ARHGAP26: variants seen among roughly 807,000 people sequenced by gnomAD.
ARHGAP26 encodes the protein rho GTPase-activating protein 26.
A neutral mutation model predicts 104.8 loss-of-function variants in ARHGAP26; 38 were observed. That is an observed-to-expected ratio of 0.36 (90% confidence interval 0.28 to 0.48). The LOEUF (loss-of-function observed/expected upper bound fraction) is 0.48. Ranked by LOEUF, ARHGAP26 falls within the 20% of genes least tolerant of loss-of-function variation. The pLI is 0.99. For synonymous variants in ARHGAP26, 341 were observed against 340.0 expected, an observed-to-expected ratio of 1.00 and a Z score of -0.03; for missense variants, 704 against 947.9, an observed-to-expected ratio of 0.74 and a Z score of 3.38.
At chr5:142,988,176 T>C (rs1284473873) in intron 11 of ARHGAP26, among the ~76,000 whole-genome samples, 1 of 152,328 alleles carries the variant, frequency 6.6e-6, no homozygotes, top group South Asian at 2.1e-4. Context: ...GAGCCTGTTA[T>C]TGGTCTATTC....
chr5:142,836,253 T>TA (rs1769540799), intron 1 of ARHGAP26, among the ~76,000 whole-genome samples: 1 of 152,338 alleles, frequency 6.6e-6, no homozygotes, highest in Admixed American at 6.5e-5. Flanking sequence ...GCTTTTCACT[T>TA]AATCTGTGGT....
intron 1 of ARHGAP26, among the ~76,000 whole-genome samples, chr5:142,834,575 G>T (rs1261592976): frequency 1.3e-5 from 2 of 152,146 alleles, no homozygotes; most frequent in Non-Finnish European, 1.5e-5. Flanking sequence ...CCTCTTCTGG[G>T]CTCACTTGTG....
chr5:143,198,084 C>T (rs918071028), intron 20 of ARHGAP26, among the ~76,000 whole-genome samples: 4 of 152,248 alleles, frequency 2.6e-5, no homozygotes, highest in Middle Eastern at 3.4e-3. Context: ...AGATTATACC[C>T]CAGAACAACG....
intron 1 of ARHGAP26, among the ~76,000 whole-genome samples, chr5:142,862,869 G>A (rs1209904253): frequency 6.6e-6 from 1 of 152,192 alleles, no homozygotes; most frequent in African/African-American, 2.4e-5. Flanking sequence ...TCATTGTGAA[G>A]ACATCATTTC....
At chr5:142,890,963 C>T (rs1370906165) in intron 5 of ARHGAP26, among the ~76,000 whole-genome samples, 1 of 149,902 alleles carries the variant, frequency 6.7e-6, no homozygotes, top group Non-Finnish European at 1.5e-5. Flanking sequence ...CTGGATCCTT[C>T]TTCTCTGCCT....
intron 11 of ARHGAP26, among the ~76,000 whole-genome samples, chr5:142,943,825 T>A (rs1766725801): frequency 6.6e-6 from 1 of 152,244 alleles, no homozygotes; most frequent in Non-Finnish European, 1.5e-5. Context: ...GCACCTCTTA[T>A]TTTAATTTTG....
At chr5:143,041,574 G>A (rs369908305) in intron 13 of ARHGAP26, 86 of 394,556 alleles carry the variant, frequency 2.2e-4, no homozygotes, top group African/African-American at 1.3e-3. Flanking sequence ...TTCTTTCGCC[G>A]CTGATGACTG....
Position 142,824,062 on chromosome 5 carries a change from G to C in ARHGAP26, c.155-49338G>C, listed in dbSNP as rs533816671. ...TGGATGTGACTCATGCACATTTGGG[G>C]ACCAGCTCCACAATGGGTTTCACAC... is the stretch of plus-strand genomic sequence containing the variant. On this transcript the variant is annotated intron_variant, in intron 1 of 22. Transcript: ENST00000645722. Among the ~76,000 whole-genome samples the C allele has an allele frequency of 5.3e-5, 8 of 152,276 alleles. No homozygotes were observed. In the South Asian group the frequency reaches 1.5e-3, roughly 28 times the overall value.
At chr5:143,176,489 C>T (rs1803494608) in intron 20 of ARHGAP26, among the ~76,000 whole-genome samples, 1 of 152,154 alleles carries the variant, frequency 6.6e-6, no homozygotes, top group Admixed American at 6.5e-5. Context: ...TTTTTGTGTC[C>T]CTCCTCTGGT....
chr5:142,996,560 C>T (rs529899881), intron 11 of ARHGAP26, among the ~76,000 whole-genome samples: 1 of 152,246 alleles, frequency 6.6e-6, no homozygotes, highest in South Asian at 2.1e-4. Flanking sequence ...GTTCAATGGC[C>T]TTGCTGTCAC....
rs573958727 is a variant in ARHGAP26, at chr5:142,794,857, G to A, written c.154+23942G>A. 7.9e-5 allele frequency among the ~76,000 whole-genome samples: 12 copies of A among 152,292 alleles called. No individual in the cohort carries two copies. In the South Asian group the frequency reaches 2.3e-3, roughly 29 times the overall value. On this transcript the variant is annotated intron_variant, in intron 1 of 22. Coordinates refer to ENST00000645722, the MANE Select transcript of ARHGAP26 (RefSeq NM_001135608.3). ...ACGAGAGCTAGTTCTTTATCTTCCA[G>A]AGTCTCTTTCTCTTTATGATATTTA...
intron 1 of ARHGAP26, among the ~76,000 whole-genome samples, chr5:142,853,895 A>G (rs1751941566): frequency 6.6e-6 from 1 of 152,172 alleles, no homozygotes; most frequent in Non-Finnish European, 1.5e-5. Context: ...ACTAGCCCTT[A>G]GTAAATGTTT....
chr5:142,926,578 G>A (rs943002219), intron 10 of ARHGAP26, among the ~76,000 whole-genome samples: 3 of 152,122 alleles, frequency 2.0e-5, no homozygotes, highest in Admixed American at 6.5e-5. Flanking sequence ...AATTTTAAAA[G>A]GGAGTGGTAG....
chr5:142,891,006 C>T (rs1158715478), intron 5 of ARHGAP26, among the ~76,000 whole-genome samples: 1 of 149,948 alleles, frequency 6.7e-6, no homozygotes, highest in Non-Finnish European at 1.5e-5. Context: ...CTCCTGTTTT[C>T]CCCCTCCACT....
intron 8 of ARHGAP26, 21 bp from the exon 9 acceptor site, chr5:142,907,683 A>T: frequency 6.5e-7 from 1 of 1,538,620 alleles, no homozygotes; most frequent in African/African-American, 1.4e-5. Flanking sequence ...TAGATATTTT[A>T]TGGGAAATAT....
intron 11 of ARHGAP26, among the ~76,000 whole-genome samples, chr5:142,960,578 A>G (rs529585084): frequency 1.3e-4 from 20 of 152,360 alleles, no homozygotes; most frequent in Admixed American, 1.2e-3. Flanking sequence ...CTGAGGTTTC[A>G]GGCATCTACT....
intron 22 of ARHGAP26, chr5:143,216,512 A>G (rs1237022907): frequency 4.6e-5 from 15 of 325,344 alleles, no homozygotes; most frequent in Non-Finnish European, 8.0e-5. Context: ...TCGGCAAACT[A>G]TGACCTGCCC....
At chr5:143,105,189 A>C (rs183461841) in intron 17 of ARHGAP26, among the ~76,000 whole-genome samples, 1 of 152,200 alleles carries the variant, frequency 6.6e-6, no homozygotes, top group East Asian at 1.9e-4. Flanking sequence ...CAGCTTGACC[A>C]ACATGGAGAA....
At chr5:143,089,875 T>G (rs1791146420) in intron 17 of ARHGAP26, among the ~76,000 whole-genome samples, 1 of 152,232 alleles carries the variant, frequency 6.6e-6, no homozygotes, top group Non-Finnish European at 1.5e-5. Context: ...ATGTCTTATT[T>G]TTTTCTTTTT....
Sources: gnomAD v4.1 joint callset for allele counts (sites outside exome capture counted in the v4.1 genomes callset) on GRCh38, gnomAD v4.1.1 for gene constraint, MANE v1.5 for transcripts, NCBI Gene and HGNC (gene_info 2026-07-23, HGNC 2026-07-21) for gene names.